Variants in PLXNB1 observed in about 807,000 individuals in gnomAD.
The protein encoded by PLXNB1 is plexin-B1.
A neutral mutation model predicts 209.4 loss-of-function variants in PLXNB1; 106 were observed. The ratio of observed to expected loss-of-function variants is 0.51; its 90% confidence interval spans 0.43 to 0.59. The LOEUF is 0.59. Among genes scored for constraint, PLXNB1 ranks in the 20% least tolerant of loss-of-function variants. The probability of loss-of-function intolerance (pLI) is 0.00; values close to 1 mark genes in which losing one functional copy is unlikely to be tolerated. For missense variants in PLXNB1, 2,357 were observed against 2,853.2 expected (o/e 0.83, Z 3.96); for synonymous variants, 1,167 against 1,183.2 (o/e 0.99, Z 0.28).
chr3:48,421,809 G>T lies in PLXNB1; in HGVS notation c.1521-3C>A. 1 of 1,595,204 alleles carries T rather than the reference G, an allele frequency of 6.3e-7. No individual in the cohort carries two copies. Among genetic ancestry groups the T allele is most frequent in the Non-Finnish European group, 8.6e-7 (1 of 1,165,650 alleles). On this transcript the variant is annotated splice_polypyrimidine_tract_variant and splice_region_variant and intron_variant, in intron 6 of 37. Transcript: ENST00000296440. ...AGCACTCAGAACGGCGACTGCACCTGGGCGAGATGACCAGTGTCTATCTGT... is the reference window on the plus strand; with the variant it reads ...AGCACTCAGAACGGCGACTGCACCTTGGCGAGATGACCAGTGTCTATCTGT...
At chr3:48,427,025 A>G (rs1380622578) in intron 1 of PLXNB1, among the ~76,000 whole-genome samples, 2 of 152,074 alleles carry the variant, frequency 1.3e-5, no homozygotes, top group Non-Finnish European at 2.9e-5. Context: ...CCATAGTTAG[A>G]CCAATACTCA....
intron 25 of PLXNB1, 23 bp from the exon 26 acceptor site, chr3:48,412,643 G>C (rs1454945949): frequency 6.2e-7 from 1 of 1,612,316 alleles, no homozygotes; most frequent in Non-Finnish European, 8.5e-7. Flanking sequence ...AGAAGGGATG[G>C]GAAAAGGGGT....
Position 48,409,744 on chromosome 3 carries a change from A to G in PLXNB1, c.5779-13T>C. 1 of 1,612,068 alleles carries G rather than the reference A, an allele frequency of 6.2e-7. No individual in the cohort carries two copies. Among genetic ancestry groups the G allele is most frequent in the Non-Finnish European group, 8.5e-7 (1 of 1,179,198 alleles). On this transcript the variant is annotated splice_polypyrimidine_tract_variant and intron_variant, in intron 32 of 37. Coordinates refer to ENST00000296440, the MANE Select transcript of PLXNB1 (RefSeq NM_001130082.3). This position sits in a 1 kb window ranked among gnomAD's most constrained non-coding sequence, Gnocchi z 5.8. ...TCTGCAGGGTGCCCTGTGGGAAGGAAGAAGCAGAGAGGTGTGGTCAGCAAA... is the reference window on the plus strand; with the variant it reads ...TCTGCAGGGTGCCCTGTGGGAAGGAGGAAGCAGAGAGGTGTGGTCAGCAAA...
At position 48,416,482 on chromosome 3, in the gene PLXNB1, A is replaced by G. The variant is rs1247566887; in HGVS notation, c.3375-31T>C. On this transcript the variant is annotated intron_variant, in intron 16 of 37. Transcript: ENST00000296440. This position sits in a 1 kb window ranked among gnomAD's most constrained non-coding sequence, Gnocchi z 4.1. ...GGCACAGGGCAGGCTAGGGGGTGCC[A>G]GGCTGCATCAAGGGCCCCTCAAGCT... 6.6e-7 allele frequency: 1 copy of G among 1,509,752 alleles called. No individual in the cohort carries two copies. Among genetic ancestry groups the G allele is most frequent in the African/African-American group, 1.4e-5 (1 of 72,858 alleles). 93.5% of individuals were successfully genotyped at this position (1,509,752 alleles called of 1,614,324 possible).
rs773200994 is a variant in PLXNB1, at chr3:48,409,662, C to T, written c.5848G>A (p.Ala1950Thr). Residue 1950 changes from alanine (A) to threonine (T), a missense_variant, in exon 33 of 38, where the codon GCT (alanine) becomes ACT (threonine). Transcript: ENST00000296440. This position sits in a 1 kb window ranked among gnomAD's most constrained non-coding sequence, Gnocchi z 5.8. ...AGCAGGTCAAAGAAGTACTTCACAG[C>T]GAGCGGCACGGGGCGGCTGGTGCTG... ...ILSTSRPVPL[A>T]VKYFFDLLDE... The T allele has an allele frequency of 5.6e-6, 9 of 1,613,852 alleles. No homozygotes were observed. The highest frequency in any genetic ancestry group is 4.5e-5 in the East Asian group (2 of 44,890).
At position 48,429,236 on chromosome 3, in the gene PLXNB1, C is replaced by T. The variant is rs903596930; in HGVS notation, c.-60+772G>A. 2 of 152,004 alleles carry T rather than the reference C, an allele frequency of 1.3e-5. No individual in the cohort carries two copies. The highest frequency in any genetic ancestry group is 2.9e-5 in the Non-Finnish European group (2 of 68,000). The allele number at this position is 152,004 out of a possible 1,614,324, so 9.4% of individuals were successfully genotyped here. A position where few individuals can be genotyped will look rare whatever the true frequency, so the allele number is the denominator to read the frequency against. ...AGCCCCGTTCCTCGCCGCCCTGGCCCCGAGCCCCGCACTCACCACCCGGCC... is the reference window on the plus strand; with the variant it reads ...AGCCCCGTTCCTCGCCGCCCTGGCCTCGAGCCCCGCACTCACCACCCGGCC... On this transcript the variant is annotated intron_variant, in intron 1 of 37. Transcript: ENST00000296440. This position sits in a 1 kb window ranked among gnomAD's most constrained non-coding sequence, Gnocchi z 6.4.
At position 48,421,675 on chromosome 3, in the gene PLXNB1, T is replaced by G; in HGVS notation, c.1652A>C (p.Glu551Ala). 1 of 1,596,506 alleles carries G rather than the reference T, an allele frequency of 6.3e-7. No homozygotes were observed. The highest frequency in any genetic ancestry group is 2.3e-5 in the East Asian group (1 of 44,278). The part of the protein sequence containing the change: ...PANISREETR[E>A]VFLSVPDLPP... Reference sequence around the variant, plus strand: ...GGCCCTGCCTATCTGATCATTCACCTCCCTCGTCTCCTCTCGGCTGATGTT... The same window carrying G: ...GGCCCTGCCTATCTGATCATTCACCGCCCTCGTCTCCTCTCGGCTGATGTT... The change falls in exon 7 of 38, where the codon GAG (glutamate) becomes GCG (alanine). Residue 551 changes from glutamate (E) to alanine (A), a missense_variant and splice_region_variant. Coordinates refer to ENST00000296440, the MANE Select transcript of PLXNB1 (RefSeq NM_001130082.3).
In PLXNB1 at chr3:48,419,356, G is replaced by A. The variant is rs763782209; in HGVS notation, c.2720C>T (p.Thr907Ile). 1 of 1,564,778 alleles carries A rather than the reference G, an allele frequency of 6.4e-7. No individual in the cohort carries two copies. Among genetic ancestry groups the A allele is most frequent in the South Asian group, 1.2e-5 (1 of 85,578 alleles). ...ACAGGGGCAGGAGCTTGCCCCCAAG[G>A]TCGCCTCTTCCTGCAGGCACCAAGG... is the stretch of plus-strand genomic sequence containing the variant. The part of the protein sequence containing the change: ...TPGLWELEEA[T>I]LGASSCPCVE... Residue 907 changes from threonine to isoleucine, a missense_variant, in exon 12 of 38, where the codon ACC (threonine) becomes ATC (isoleucine). Around this residue, in one of 7 missense-constraint regions of PLXNB1, gnomAD observed 410 missense variants for 401.0 expected, o/e 1.02. Coordinates refer to ENST00000296440, the MANE Select transcript of PLXNB1 (RefSeq NM_001130082.3). This position sits in a 1 kb window ranked among gnomAD's most constrained non-coding sequence, Gnocchi z 5.7.
chr3:48,410,710 G>A lies in PLXNB1; in HGVS notation c.5417-152C>T. On this transcript the variant is annotated intron_variant, in intron 29 of 37. Transcript: ENST00000296440. This position sits in a 1 kb window ranked among gnomAD's most constrained non-coding sequence, Gnocchi z 6.4. ...ACCAAGAGCAGGGACCCCCTCCCCAGATGAGAGGCTGTCCAAGAAAGATGT... is the reference window on the plus strand; with the variant it reads ...ACCAAGAGCAGGGACCCCCTCCCCAAATGAGAGGCTGTCCAAGAAAGATGT... The A allele has an allele frequency of 1.1e-6, 1 of 940,478 alleles. No homozygotes were observed. Among genetic ancestry groups the A allele is most frequent in the East Asian group, 2.6e-5 (1 of 38,046 alleles). The allele number at this position is 940,478 out of a possible 1,614,324, so 58.3% of individuals were successfully genotyped here. A position where few individuals can be genotyped will look rare whatever the true frequency, so the allele number is the denominator to read the frequency against.
In PLXNB1 at chr3:48,420,014, C is replaced by G; in HGVS notation, c.2272G>C (p.Glu758Gln). The change falls in exon 11 of 38, where the codon GAG (glutamate) becomes CAG (glutamine). Residue 758 changes from glutamate (E) to glutamine (Q), a missense_variant. Transcript: ENST00000296440. Reference protein sequence around the residue: ...PGSTGSPLHEEPSPPSPQNGP... With the variant: ...PGSTGSPLHEQPSPPSPQNGP... ...TTTTGGGGGCTGGGAGGGGAGGGCT[C>G]CTCATGGAGAGGCGACCCTGTGGAG... 2 of 1,605,828 alleles carry G rather than the reference C, an allele frequency of 1.2e-6. No individual in the cohort carries two copies. Among genetic ancestry groups the G allele is most frequent in the Non-Finnish European group, 1.7e-6 (2 of 1,174,874 alleles).
chr3:48,424,164 C>T lies in PLXNB1; in HGVS notation c.448G>A (p.Val150Ile). 2 of 1,578,212 alleles carry T rather than the reference C, an allele frequency of 1.3e-6. No individual in the cohort carries two copies. The highest frequency in any genetic ancestry group is 1.8e-5 in the Admixed American group (1 of 56,218). ...TQYVAANDPA[V>I]STVGLVAQGL... ...TGGGCTACCAGCCCCACCGTGCTGA[C>T]CGCAGGATCATTGGCAGCCACATAT... The change falls in exon 3 of 38, where the codon GTC becomes ATC. Residue 150 changes from valine (V) to isoleucine (I), a missense_variant. Physicochemically the swap from Val to Ile is conservative, Grantham distance 29. Around this residue, in one of 7 missense-constraint regions of PLXNB1, gnomAD observed 404 missense variants for 443.6 expected, o/e 0.91. Coordinates refer to ENST00000296440, the MANE Select transcript of PLXNB1 (RefSeq NM_001130082.3).
In PLXNB1 at chr3:48,416,163, G is replaced by A. The variant is rs764453804; in HGVS notation, c.3485C>T (p.Pro1162Leu). 5.0e-6 allele frequency: 8 copies of A among 1,598,360 alleles called. No homozygotes were observed. The highest frequency in any genetic ancestry group is 1.7e-5 in the Admixed American group (1 of 57,678). The change falls in exon 18 of 38, where the codon CCG becomes CTG. Residue 1162 changes from proline to leucine, a missense_variant. Pro to Leu is a moderately conservative substitution (Grantham distance 98). Coordinates refer to ENST00000296440, the MANE Select transcript of PLXNB1 (RefSeq NM_001130082.3). The surrounding 1 kb of genome is among the most constrained non-coding windows in gnomAD (Gnocchi z 4.1). ...VSEHDFAYQDPKVHSIFPARG... is the reference protein window; with the variant it reads ...VSEHDFAYQDLKVHSIFPARG... ...GGCCGGGAAGATGGAATGGACCTTC[G>A]GATCCTGTGGGACAGACAGGGAGAG...
chr3:48,427,624 T>C (rs973418426), intron 1 of PLXNB1, among the ~76,000 whole-genome samples: 2 of 152,072 alleles, frequency 1.3e-5, no homozygotes, highest in African/African-American at 4.8e-5. Flanking sequence ...TCCCACCCGA[T>C]CCATGCCAGT....
In PLXNB1 at chr3:48,423,838, G is replaced by C; in HGVS notation, c.774C>G (p.Tyr258Ter). The stretch of plus-strand genomic sequence containing the variant: ...CCAGAGGCAACTCCACATAGGAGTA[G>C]TAGTGCTGGTCCCGGAGACACACTC... ...VSRVCLRDQHYYSYVELPLAC... is the reference protein window; with the variant it reads ...VSRVCLRDQH The change falls in exon 3 of 38, where the codon TAC (tyrosine) becomes TAG (stop). Residue 258 changes from tyrosine (Y) to a stop codon, truncating the protein, a stop_gained. Coordinates refer to ENST00000296440, the MANE Select transcript of PLXNB1 (RefSeq NM_001130082.3). LOFTEE classifies it high-confidence loss of function. 1 of 1,614,062 alleles carries C rather than the reference G, an allele frequency of 6.2e-7. No individual in the cohort carries two copies. The highest frequency in any genetic ancestry group is 8.5e-7 in the Non-Finnish European group (1 of 1,180,034).
rs767306563 is a variant in PLXNB1, at chr3:48,413,719, C to G, written c.4486G>C (p.Gly1496Arg). ...PVAAQVGLGV[G>R]TSLLALGVII... Reference sequence around the variant, plus strand: ...ACACCCAGAGCCAGAAGAGAGGTGCCCACCCCCAAGCCCACCTGGGCTGCC... The same window carrying G: ...ACACCCAGAGCCAGAAGAGAGGTGCGCACCCCCAAGCCCACCTGGGCTGCC... Residue 1496 changes from glycine (G) to arginine (R), a missense_variant, in exon 23 of 38, where the codon GGC (glycine) becomes CGC (arginine). Gly to Arg is a moderately radical substitution (Grantham distance 125). Around this residue, in one of 7 missense-constraint regions of PLXNB1, gnomAD observed 743 missense variants for 896.2 expected, o/e 0.83. Transcript: ENST00000296440. This position sits in a 1 kb window ranked among gnomAD's most constrained non-coding sequence, Gnocchi z 5.4. 3.1e-6 allele frequency: 5 copies of G among 1,613,654 alleles called. No individual in the cohort carries two copies. The South Asian group carries it at 5.5e-5, about 18-fold the overall frequency.
At position 48,412,617 on chromosome 3, in the gene PLXNB1, T is replaced by C. The variant is rs781424446; in HGVS notation, c.4858A>G (p.Ile1620Val). The change falls in exon 26 of 38, where the codon ATC becomes GTC. Residue 1620 changes from isoleucine to valine, a missense_variant. By Grantham distance (29) the Ile-to-Val change is conservative (BLOSUM62 3). Transcript: ENST00000296440. ...GTGCGCTGGCTCTCCAGCGTGTGGATGAACTGCAGCCAAAGAGAAGGGATG... is the reference window on the plus strand; with the variant it reads ...GTGCGCTGGCTCTCCAGCGTGTGGACGAACTGCAGCCAAAGAGAAGGGATG... ...LNSKLFLTKF[I>V]HTLESQRTFS... is the part of the protein sequence containing the mutation. 6 of 1,612,790 alleles carry C rather than the reference T, an allele frequency of 3.7e-6. No individual in the cohort carries two copies. Among genetic ancestry groups the C allele is most frequent in the South Asian group, 1.1e-5 (1 of 91,086 alleles).
Position 48,418,980 on chromosome 3 carries a change from C to A in PLXNB1, c.2892G>T (p.Glu964Asp), listed in dbSNP as rs1482048510. ...MELEGLEVVV[E>D]ARVECEPPPD... is the part of the protein sequence containing the mutation. ...GAGGTGGCTCACACTCGACCCGGGCCTCAACCACCACCTCGAGGCCCTCCA... is the reference window on the plus strand; with the variant it reads ...GAGGTGGCTCACACTCGACCCGGGCATCAACCACCACCTCGAGGCCCTCCA... Residue 964 changes from glutamate (E) to aspartate (D), a missense_variant, in exon 13 of 38, where the codon GAG becomes GAT. Physicochemically the swap from Glu to Asp is conservative, Grantham distance 45 (BLOSUM62 2). Transcript: ENST00000296440. This position sits in a 1 kb window ranked among gnomAD's most constrained non-coding sequence, Gnocchi z 6.6. 1 of 1,614,076 alleles carries A rather than the reference C, an allele frequency of 6.2e-7. No homozygotes were observed. The highest frequency in any genetic ancestry group is 8.5e-7 in the Non-Finnish European group (1 of 1,179,990).
At chr3:48,422,522 C>A (rs982028787) in intron 4 of PLXNB1, 63 bp from the exon 5 acceptor site, 18 of 1,476,166 alleles carry the variant, frequency 1.2e-5, no homozygotes, top group Middle Eastern at 2.2e-4. Flanking sequence ...AAGCCCTCCC[C>A]TCCTCCACCC....
chr3:48,414,217 G>T, intron 21 of PLXNB1, 146 bp from the exon 22 acceptor site: 2 of 689,148 alleles, frequency 2.9e-6, no homozygotes, highest in Non-Finnish European at 5.0e-6. Flanking sequence ...CCAGTCACAC[G>T]GTGTCCTCCA....
Sources: allele counts gnomAD v4.1 joint callset (sites outside exome capture counted in the v4.1 genomes callset), GRCh38; gene constraint gnomAD v4.1.1; regional missense constraint gnomAD v4.1.1; non-coding constraint Gnocchi (gnomAD v3.1); transcripts MANE v1.5; gene names NCBI Gene and HGNC (gene_info 2026-07-23, HGNC 2026-07-21).